The following C9orf85 variants were observed in gnomAD, a reference collection of about 807,000 sequenced individuals.
C9orf85 encodes the protein uncharacterized protein C9orf85.
In C9orf85, 16 loss-of-function variants were observed where a neutral mutation model predicts 14.9. The observed-to-expected ratio is 1.08, with a 90% CI of 0.73 to 1.63. The LOEUF (loss-of-function observed/expected upper bound fraction) is 1.63, where lower values mean the gene tolerates loss of function less well. Ranked by LOEUF, C9orf85 falls within the 40% of genes most tolerant of loss-of-function variation. The pLI, the probability that C9orf85 is intolerant of heterozygous loss-of-function variation, is 0.00. For missense variants in C9orf85, 172 were observed against 186.1 expected (o/e 0.92, Z 0.44); for synonymous variants, 45 against 56.8 (o/e 0.79, Z 0.93).
At chr9:71,956,740 G>GA (rs112183843) in intron 2 of C9orf85, among the ~76,000 whole-genome samples, 3 of 150,842 alleles carry the variant, frequency 2.0e-5, no homozygotes, top group Non-Finnish European at 4.4e-5. Context: ...AAACCTGGGG[G>GA]AAAAAAAAAT....
At chr9:71,968,888 A>G (rs1017617923) in intron 2 of C9orf85, among the ~76,000 whole-genome samples, 2 of 152,120 alleles carry the variant, frequency 1.3e-5, no homozygotes, top group Non-Finnish European at 2.9e-5. Context: ...TTTTAAACAG[A>G]GCAGGGATAT....
chr9:71,971,991 A>T (rs1461667348), intron 3 of C9orf85, among the ~76,000 whole-genome samples: 3 of 151,604 alleles, frequency 2.0e-5, no homozygotes, highest in African/African-American at 7.3e-5. Context: ...AAAAAAAAAA[A>T]AAAAGAGATG....
At chr9:71,963,109 A>G (rs962677724) in intron 2 of C9orf85, among the ~76,000 whole-genome samples, 1 of 152,170 alleles carries the variant, frequency 6.6e-6, no homozygotes, top group Non-Finnish European at 1.5e-5. Flanking sequence ...AAAAATCTTA[A>G]GCGTTTTTTG....
intron 1 of C9orf85, among the ~76,000 whole-genome samples, chr9:71,916,634 A>ATAT (rs1827659050): frequency 6.6e-6 from 1 of 152,176 alleles, no homozygotes; most frequent in Non-Finnish European, 1.5e-5. Context: ...TGTACTCTAA[A>ATAT]TAATTTTGGA....
chr9:71,965,041 CA>C (rs1358515364), intron 2 of C9orf85, among the ~76,000 whole-genome samples: 1 of 152,154 alleles, frequency 6.6e-6, no homozygotes, highest in Non-Finnish European at 1.5e-5. Flanking sequence ...GCGACGGCAG[CA>C]AACAGCAGTG....
chr9:71,963,706 T>A (rs886910534), intron 2 of C9orf85, among the ~76,000 whole-genome samples: 9 of 152,198 alleles, frequency 5.9e-5, no homozygotes, highest in African/African-American at 2.2e-4. Context: ...GAGGGTGTAC[T>A]GGGTCCCCCA....
intron 3 of C9orf85, among the ~76,000 whole-genome samples, chr9:71,982,210 A>C (rs1823108792): frequency 6.6e-6 from 1 of 152,144 alleles, no homozygotes; most frequent in Non-Finnish European, 1.5e-5. Flanking sequence ...GAGCCATGTT[A>C]AAACATGTAC....
downstream of C9orf85, among the ~76,000 whole-genome samples, chr9:71,976,683 A>G (rs953167145): frequency 4.0e-5 from 6 of 149,638 alleles, no homozygotes; most frequent in African/African-American, 1.5e-4. Flanking sequence ...AAAAATTCTT[A>G]TTCCTGGGAT....
At chr9:71,967,615 A>G (rs1225445447) in intron 2 of C9orf85, among the ~76,000 whole-genome samples, 1 of 151,542 alleles carries the variant, frequency 6.6e-6, no homozygotes, top group Non-Finnish European at 1.5e-5. Flanking sequence ...TGTCCAGTTC[A>G]TTTTAAAAAA....
At chr9:71,976,506 C>CA (rs1822997844), downstream of C9orf85, among the ~76,000 whole-genome samples, 1 of 151,888 alleles carries the variant, frequency 6.6e-6, no homozygotes, top group South Asian at 2.1e-4. Context: ...ACTAAAAATA[C>CA]AAAAAATTAG....
intron 2 of C9orf85, among the ~76,000 whole-genome samples, chr9:71,964,662 TA>T (rs1822638451): frequency 6.6e-6 from 1 of 152,158 alleles, no homozygotes; most frequent in South Asian, 2.1e-4. Flanking sequence ...TTAAGAACTG[TA>T]ACACTCACCG....
chr9:71,955,273 A>G (rs1822356470), intron 2 of C9orf85, among the ~76,000 whole-genome samples: 1 of 152,162 alleles, frequency 6.6e-6, no homozygotes, highest in African/African-American at 2.4e-5. Flanking sequence ...TCCTTAAACT[A>G]GTTGTAATCA....
intron 3 of C9orf85, among the ~76,000 whole-genome samples, chr9:71,978,770 G>A (rs1310117326): frequency 2.0e-5 from 3 of 152,104 alleles, no homozygotes; most frequent in Non-Finnish European, 4.4e-5. Flanking sequence ...GCATGGTGGT[G>A]CAGGCCTGTA....
At chr9:71,930,143 A>C (rs1304691561) in intron 1 of C9orf85, among the ~76,000 whole-genome samples, 1 of 152,034 alleles carries the variant, frequency 6.6e-6, no homozygotes, top group Non-Finnish European at 1.5e-5. Flanking sequence ...TTTTATAATA[A>C]ACTTTGTAGA....
chr9:71,932,652 GAA>G (rs1354002903), intron 1 of C9orf85, among the ~76,000 whole-genome samples: 1 of 152,138 alleles, frequency 6.6e-6, no homozygotes, highest in African/African-American at 2.4e-5. Context: ...CCTGGGGAAA[GAA>G]GAGAATCTGA....
At chr9:71,925,015 T>C (rs1219465422) in intron 1 of C9orf85, among the ~76,000 whole-genome samples, 1 of 152,246 alleles carries the variant, frequency 6.6e-6, no homozygotes, top group Non-Finnish European at 1.5e-5. Flanking sequence ...TGAGCAGTTC[T>C]TTGACTCTCA....
intron 2 of C9orf85, among the ~76,000 whole-genome samples, chr9:71,948,824 C>G (rs970731880): frequency 2.7e-5 from 4 of 149,580 alleles, no homozygotes; most frequent in East Asian, 2.0e-4. Flanking sequence ...CCCCCCCCCC[C>G]CCCTTTAAAT....
intron 2 of C9orf85, among the ~76,000 whole-genome samples, chr9:71,956,372 C>T (rs1822382720): frequency 6.6e-6 from 1 of 151,740 alleles, no homozygotes; most frequent in Non-Finnish European, 1.5e-5. Flanking sequence ...GCCTCAGCCT[C>T]CCAAGTAGCT....
chr9:71,940,127 G>T lies in C9orf85; in HGVS notation c.103-6879G>T, dbSNP rs145304970. 3.7e-3 allele frequency among the ~76,000 whole-genome samples: 561 copies of T among 152,108 alleles called. 3 individuals are homozygous for T. Among genetic ancestry groups the T allele is most frequent in the African/African-American group, 0.013 (521 of 41,482 alleles). ...TAATGGAAATGAAAGCATGGATTGG[G>T]AGAATATATTTGCAAAGCATACATC... On this transcript the variant is annotated intron_variant, in intron 1 of 3. Coordinates refer to ENST00000334731, the MANE Select transcript of C9orf85 (RefSeq NM_182505.5).
Sources: allele counts gnomAD v4.1 joint callset (sites outside exome capture counted in the v4.1 genomes callset), GRCh38; gene constraint gnomAD v4.1.1; transcripts MANE v1.5; gene names NCBI Gene and HGNC (gene_info 2026-07-23, HGNC 2026-07-21).